CDH13: variants seen among roughly 807,000 people sequenced by gnomAD.
The protein encoded by CDH13 is cadherin-13.
A neutral mutation model predicts 63.8 loss-of-function variants in CDH13; 24 were observed. The observed-to-expected ratio is 0.38, with a 90% CI of 0.27 to 0.53. CDH13 has a LOEUF of 0.53. CDH13 is among the 20% of genes least tolerant of loss of function. The probability of loss-of-function intolerance (pLI) is 0.85; values close to 1 mark genes in which losing one functional copy is unlikely to be tolerated. For missense variants in CDH13, 1,049 were observed against 903.1 expected, an observed-to-expected ratio of 1.16 and a Z score of -2.07; for synonymous variants, 503 against 355.3, an observed-to-expected ratio of 1.42 and a Z score of -4.67.
chr16:82,698,088 G>A (rs936724467), intron 1 of CDH13, among the ~76,000 whole-genome samples: 3 of 152,164 alleles, frequency 2.0e-5, no homozygotes, highest in African/African-American at 4.8e-5. Context: ...GGAGACTCAT[G>A]GAATTTAACT....
chr16:83,087,623 G>C (rs1597309846), intron 3 of CDH13, among the ~76,000 whole-genome samples: 1 of 125,442 alleles, frequency 8.0e-6, no homozygotes. Flanking sequence ...AGCCAAAACC[G>C]TGTCATTGCA....
chr16:83,558,891 G>A lies in CDH13; in HGVS notation c.961-43563G>A, dbSNP rs2075650204. Among the ~76,000 whole-genome samples the A allele has an allele frequency of 3.9e-5, 6 of 152,320 alleles. No individual in the cohort carries two copies. The South Asian group carries it at 1.2e-3, about 32-fold the overall frequency. ...AGTGTGCGGGTATCCGAAGCTGGGT[G>A]TCCACAGTCACATCGGGTCCTCTGT... On this transcript the variant is annotated intron_variant, in intron 7 of 13. Coordinates refer to ENST00000567109, the MANE Select transcript of CDH13 (RefSeq NM_001257.5).
chr16:82,935,351 C>G (rs767142692), intron 2 of CDH13, among the ~76,000 whole-genome samples: 1 of 152,090 alleles, frequency 6.6e-6, no homozygotes, highest in Admixed American at 6.6e-5. Flanking sequence ...TCCCCCAACA[C>G]GTGGGGATTA....
At position 82,676,849 on chromosome 16, in the gene CDH13, G is replaced by A. The variant is rs549127003; in HGVS notation, c.45+49712G>A. ...TATCATGCACAAAGGTATTTACACA[G>A]TTTTGTTTTGGGTTTCTTTGTTTTT... On this transcript the variant is annotated intron_variant, in intron 1 of 13. Transcript: ENST00000567109. Among the ~76,000 whole-genome samples the A allele has an allele frequency of 4.1e-5, 6 of 148,088 alleles. No individual in the cohort carries two copies. In the Admixed American group the frequency reaches 4.1e-4, roughly 10 times the overall value.
At chr16:83,609,231 A>C (rs781075322) in intron 8 of CDH13, among the ~76,000 whole-genome samples, 7 of 152,164 alleles carry the variant, frequency 4.6e-5, no homozygotes, top group Admixed American at 6.5e-5. Context: ...TTCTTAAGAC[A>C]TTATGAGATT....
intron 6 of CDH13, among the ~76,000 whole-genome samples, chr16:83,464,238 C>T (rs2073252512): frequency 6.6e-6 from 1 of 152,040 alleles, no homozygotes; most frequent in Non-Finnish European, 1.5e-5. Flanking sequence ...TTTTGCTGGG[C>T]ATGGTGGCTC....
At chr16:83,246,262 T>C (rs1904981606) in intron 5 of CDH13, among the ~76,000 whole-genome samples, 1 of 152,210 alleles carries the variant, frequency 6.6e-6, no homozygotes, top group Non-Finnish European at 1.5e-5. Context: ...CTGTGGGAAA[T>C]TTTATGCAAA....
At chr16:82,697,708 G>A (rs112607589) in intron 1 of CDH13, among the ~76,000 whole-genome samples, 148 of 151,418 alleles carry the variant, frequency 9.8e-4, no homozygotes, top group African/African-American at 2.1e-3. Context: ...GATTACAGGC[G>A]TGAGCCACCG....
intron 13 of CDH13, among the ~76,000 whole-genome samples, chr16:83,790,625 G>C (rs1040999987): frequency 1.3e-5 from 2 of 151,956 alleles, no homozygotes; most frequent in Admixed American, 1.3e-4. Flanking sequence ...GGATGGTCTC[G>C]ATCTCCCGAC....
At chr16:83,326,580 G>C (rs2090367965) in intron 5 of CDH13, among the ~76,000 whole-genome samples, 1 of 152,106 alleles carries the variant, frequency 6.6e-6, no homozygotes, top group Non-Finnish European at 1.5e-5. Flanking sequence ...TAAATTATCA[G>C]TGGGACTTAC....
chr16:83,282,555 A>G (rs1288814196), intron 5 of CDH13, among the ~76,000 whole-genome samples: 3 of 152,242 alleles, frequency 2.0e-5, no homozygotes, highest in African/African-American at 7.2e-5. Flanking sequence ...TATTTGGGAG[A>G]TCATAAGGTT....
intron 10 of CDH13, among the ~76,000 whole-genome samples, chr16:83,736,463 C>T (rs1450924684): frequency 6.6e-6 from 1 of 152,160 alleles, no homozygotes; most frequent in African/African-American, 2.4e-5. Flanking sequence ...ATCTCTTTGT[C>T]TGTATTTCTC....
chr16:82,924,687 A>T (rs1264601087), intron 2 of CDH13, among the ~76,000 whole-genome samples: 1 of 152,154 alleles, frequency 6.6e-6, no homozygotes, highest in Non-Finnish European at 1.5e-5. Flanking sequence ...CTGGAATGTG[A>T]GGTTTCCAGT....
intron 7 of CDH13, among the ~76,000 whole-genome samples, chr16:83,567,537 T>A (rs1026717192): frequency 2.0e-5 from 3 of 152,176 alleles, no homozygotes; most frequent in African/African-American, 4.8e-5. Flanking sequence ...TATTTAAAAA[T>A]TTTTTAAAAA....
intron 1 of CDH13, among the ~76,000 whole-genome samples, chr16:82,840,287 C>A (rs60515739): frequency 1.3e-5 from 2 of 151,372 alleles, no homozygotes; most frequent in Non-Finnish European, 2.9e-5. Context: ...TGTCCTTAGT[C>A]TGAGGAGACC....
intron 3 of CDH13, among the ~76,000 whole-genome samples, chr16:83,044,381 T>A (rs1201337050): frequency 2.0e-5 from 3 of 152,186 alleles, no homozygotes; most frequent in African/African-American, 7.2e-5. Context: ...TTGTTAGTAA[T>A]AAAAAATAAA....
chr16:82,923,431 A>G (rs2151284081), intron 2 of CDH13, among the ~76,000 whole-genome samples: 1 of 152,340 alleles, frequency 6.6e-6, no homozygotes, highest in Non-Finnish European at 1.5e-5. Flanking sequence ...AAGCCAGACA[A>G]GAACATTTTA....
chr16:83,584,144 A>G (rs1041820831), intron 7 of CDH13, among the ~76,000 whole-genome samples: 1 of 152,128 alleles, frequency 6.6e-6, no homozygotes, highest in Admixed American at 6.5e-5. Context: ...CTTGGCTAAC[A>G]TGGTGAAACC....
chr16:83,753,361 T>C (rs1208405592), intron 11 of CDH13, among the ~76,000 whole-genome samples: 1 of 152,072 alleles, frequency 6.6e-6, no homozygotes, highest in Admixed American at 6.6e-5. Context: ...CTGGGCAACA[T>C]GGCAAAACTC....
Sources: gnomAD v4.1 joint callset for allele counts (sites outside exome capture counted in the v4.1 genomes callset) on GRCh38, gnomAD v4.1.1 for gene constraint, MANE v1.5 for transcripts, NCBI Gene and HGNC (gene_info 2026-07-23, HGNC 2026-07-21) for gene names.